ZNF385B: variants seen among roughly 807,000 people sequenced by gnomAD.
ZNF385B encodes zinc finger protein 385B, also known as zinc finger protein 533.
A neutral mutation model predicts 39.2 loss-of-function variants in ZNF385B; 23 were observed. That is an observed-to-expected ratio of 0.59 (90% CI 0.42 to 0.83). The LOEUF is 0.83. ZNF385B is among the 40% of genes least tolerant of loss of function. The pLI is 0.00. For missense variants in ZNF385B, 552 were observed against 598.9 expected (o/e 0.92, Z 0.82); for synonymous variants, 205 against 222.6 (o/e 0.92, Z 0.70).
In ZNF385B at chr2:179,555,121, T is replaced by C. The variant is rs922527072; in HGVS notation, c.299-10152A>G. On this transcript the variant is annotated intron_variant, in intron 3 of 9. Transcript: ENST00000410066. Reference sequence around the variant, plus strand: ...AAAGAATAATTTTTGTATGTTTGCATGATGAAACATTCATGCAATGACATA... The same window carrying C: ...AAAGAATAATTTTTGTATGTTTGCACGATGAAACATTCATGCAATGACATA... 2.7e-5 allele frequency among the ~76,000 whole-genome samples: 4 copies of C among 149,780 alleles called. 1 individual carries two copies. The highest frequency in any genetic ancestry group is 5.9e-5 in the Non-Finnish European group (4 of 67,666).
At chr2:179,494,321 T>G (rs781203667) in intron 5 of ZNF385B, among the ~76,000 whole-genome samples, 5 of 152,088 alleles carry the variant, frequency 3.3e-5, no homozygotes, top group Non-Finnish European at 5.9e-5. Context: ...TGGCTTCCAT[T>G]TATTAAAGGA....
intron 3 of ZNF385B, among the ~76,000 whole-genome samples, chr2:179,689,650 C>T (rs1040488839): frequency 1.3e-5 from 2 of 152,130 alleles, no homozygotes. Context: ...TTCCCCATTC[C>T]TCACCCTGCA....
At chr2:179,523,348 G>GTTTTTTTTTTTTTTTTTTTTTTTTTTTTT (rs574497139) in intron 4 of ZNF385B, among the ~76,000 whole-genome samples, 1 of 108,672 alleles carries the variant, frequency 9.2e-6, no homozygotes. Flanking sequence ...ATCTGTGTGC[G>GTTTTTTTTTTTTTTTTTTTTTTTTTTTTT]TTTTTTTTTT....
chr2:179,515,058 G>A (rs535881821), intron 5 of ZNF385B, among the ~76,000 whole-genome samples: 47 of 152,224 alleles, frequency 3.1e-4, no homozygotes, highest in South Asian at 6.2e-4. Context: ...GATTACAGGC[G>A]TGAGCCATTG....
At chr2:179,525,052 C>A (rs2058802217) in intron 4 of ZNF385B, among the ~76,000 whole-genome samples, 1 of 151,964 alleles carries the variant, frequency 6.6e-6, no homozygotes, top group Admixed American at 6.6e-5. Flanking sequence ...AACGAGGAAT[C>A]AAAGGCTTTG....
At chr2:179,566,350 T>C (rs1684575672) in intron 3 of ZNF385B, among the ~76,000 whole-genome samples, 1 of 152,206 alleles carries the variant, frequency 6.6e-6, no homozygotes, top group African/African-American at 2.4e-5. Flanking sequence ...CTGTGTAAGA[T>C]ACAGCATTGC....
intron 1 of ZNF385B, among the ~76,000 whole-genome samples, chr2:179,780,256 C>A (rs1347602055): frequency 6.6e-6 from 1 of 152,150 alleles, no homozygotes; most frequent in African/African-American, 2.4e-5. Context: ...TCCAGGGTCT[C>A]CTTAGCCCCT....
In ZNF385B at chr2:179,561,967, A is replaced by C. The variant is rs142105249; in HGVS notation, c.299-16998T>G. On this transcript the variant is annotated intron_variant, in intron 3 of 9. Coordinates refer to ENST00000410066, the MANE Select transcript of ZNF385B (RefSeq NM_152520.6). ...ACAGGCTACCAGCCACTATTCTGTC[A>C]ATCTGAATGTGGATTCTTGGACATT... 6.4e-3 allele frequency among the ~76,000 whole-genome samples: 969 copies of C among 152,304 alleles called. 5 individuals carry two copies. Among genetic ancestry groups the C allele is most frequent in the Middle Eastern group, 0.01 (3 of 294 alleles).
At position 179,544,895 on chromosome 2, in the gene ZNF385B, T is replaced by C. The variant is rs1484446828; in HGVS notation, c.373A>G (p.Ile125Val). Residue 125 changes from isoleucine to valine, a missense_variant, in exon 4 of 10, where the codon ATC (isoleucine) becomes GTC (valine). Coordinates refer to ENST00000410066, the MANE Select transcript of ZNF385B (RefSeq NM_152520.6). ...ACTGGAAAAGACATAAATGGTTTGA[T>C]ATCCAGTGAAGGCTGCATCATCAGG... ...PTLMMQPSLD[I>V]KPFMSFPVDS... is the part of the protein sequence containing the mutation. The C allele has an allele frequency of 9.3e-6, 15 of 1,614,036 alleles. No homozygotes were observed. The East Asian group carries it at 3.1e-4, about 34-fold the overall frequency.
chr2:179,482,987 T>C (rs992691113), intron 6 of ZNF385B, among the ~76,000 whole-genome samples: 1 of 151,612 alleles, frequency 6.6e-6, no homozygotes, highest in Non-Finnish European at 1.5e-5. Context: ...GAACACATTG[T>C]GATCAAGTAG....
chr2:179,707,359 A>G (rs1393093941), intron 3 of ZNF385B, among the ~76,000 whole-genome samples: 1 of 152,226 alleles, frequency 6.6e-6, no homozygotes, highest in Non-Finnish European at 1.5e-5. Flanking sequence ...AAGCACCTCT[A>G]TGATGCCAAT....
chr2:179,526,932 T>C (rs2058944873), intron 4 of ZNF385B, among the ~76,000 whole-genome samples: 1 of 152,234 alleles, frequency 6.6e-6, no homozygotes, highest in Non-Finnish European at 1.5e-5. Context: ...GTCCCCTCTT[T>C]CACTGGGATA....
chr2:179,558,332 T>A (rs2061091587), intron 3 of ZNF385B, among the ~76,000 whole-genome samples: 1 of 152,148 alleles, frequency 6.6e-6, no homozygotes, highest in Non-Finnish European at 1.5e-5. Context: ...TTCAGAGAAT[T>A]TCAATTCCTG....
chr2:179,530,512 A>G (rs2059190726), intron 4 of ZNF385B, among the ~76,000 whole-genome samples: 1 of 152,244 alleles, frequency 6.6e-6, no homozygotes, highest in South Asian at 2.1e-4. Context: ...GAACAGCCAC[A>G]TGCATTAACT....
intron 3 of ZNF385B, among the ~76,000 whole-genome samples, chr2:179,671,800 A>G (rs1373993569): frequency 6.6e-6 from 1 of 152,214 alleles, no homozygotes; most frequent in East Asian, 1.9e-4. Context: ...CCAGCAAAGC[A>G]GTGGGGGTGT....
chr2:179,781,033 T>C (rs1453149650), intron 1 of ZNF385B, among the ~76,000 whole-genome samples: 1 of 152,208 alleles, frequency 6.6e-6, no homozygotes, highest in African/African-American at 2.4e-5. Context: ...AAAATTACTT[T>C]GCATTTTCAT....
chr2:179,829,547 T>TCTGTCCAGC (rs1575565838), intron 1 of ZNF385B, among the ~76,000 whole-genome samples: 1 of 152,142 alleles, frequency 6.6e-6, no homozygotes, highest in East Asian at 1.9e-4. Flanking sequence ...AGGGTCTTGC[T>TCTGTCCAGC]CTGTCGCCCA....
At chr2:179,801,392 C>T (rs1706023405) in intron 1 of ZNF385B, among the ~76,000 whole-genome samples, 1 of 152,064 alleles carries the variant, frequency 6.6e-6, no homozygotes, top group Non-Finnish European at 1.5e-5. Context: ...CCTAGATGTA[C>T]TCCCTGTACA....
chr2:179,790,630 C>T (rs1190312351), intron 1 of ZNF385B, among the ~76,000 whole-genome samples: 2 of 152,214 alleles, frequency 1.3e-5, no homozygotes, highest in African/African-American at 4.8e-5. Context: ...CATTCTCCTA[C>T]TAGGAACAGG....
Sources: allele counts gnomAD v4.1 joint callset (sites outside exome capture counted in the v4.1 genomes callset), GRCh38; gene constraint gnomAD v4.1.1; transcripts MANE v1.5; gene names NCBI Gene and HGNC (gene_info 2026-07-23, HGNC 2026-07-21).